GPD2: variants seen among roughly 807,000 people sequenced by gnomAD.
GPD2 encodes glycerol-3-phosphate dehydrogenase, mitochondrial.
Under a neutral mutation model 82.4 loss-of-function variants are expected in GPD2, and 54 were observed. The observed-to-expected ratio is 0.66, with a 90% CI of 0.53 to 0.82. The LOEUF (loss-of-function observed/expected upper bound fraction) is 0.82, where lower values mean the gene tolerates loss of function less well. Among genes scored for constraint, GPD2 ranks in the 40% least tolerant of loss-of-function variants. The pLI, the probability that GPD2 is intolerant of heterozygous loss-of-function variation, is 0.00. For missense variants in GPD2, 748 were observed against 896.2 expected (o/e 0.83, Z 2.11); for synonymous variants, 288 against 306.1 (o/e 0.94, Z 0.62).
chr2:156,542,177 T>C (rs930239042), intron 6 of GPD2, among the ~76,000 whole-genome samples: 1 of 152,162 alleles, frequency 6.6e-6, no homozygotes, highest in Non-Finnish European at 1.5e-5. Flanking sequence ...TCCACCCCGA[T>C]TGCTAATTAT....
intron 6 of GPD2, among the ~76,000 whole-genome samples, chr2:156,523,224 A>T (rs1047019947): frequency 6.6e-6 from 1 of 152,068 alleles, no homozygotes; most frequent in Non-Finnish European, 1.5e-5. Context: ...TGGCCTAAAA[A>T]TCCTCTGTGC....
At chr2:156,433,112 T>C (rs1688336652), upstream of GPD2, among the ~76,000 whole-genome samples, 1 of 152,216 alleles carries the variant, frequency 6.6e-6, no homozygotes, top group Admixed American at 6.5e-5. Context: ...AACTTGTTTC[T>C]AACCTACAAG....
intron 3 of GPD2, among the ~76,000 whole-genome samples, chr2:156,505,440 A>G (rs1207150224): frequency 1.3e-5 from 2 of 152,176 alleles, no homozygotes; most frequent in Non-Finnish European, 2.9e-5. Context: ...CAAAGCCTTA[A>G]ATAATGATAC....
At chr2:156,540,386 C>T (rs1231309338) in intron 6 of GPD2, among the ~76,000 whole-genome samples, 3 of 152,196 alleles carry the variant, frequency 2.0e-5, no homozygotes, top group African/African-American at 7.2e-5. Context: ...TTCTGTATCC[C>T]AGGGGACCGT....
chr2:156,466,878 C>T (rs759603495), intron 1 of GPD2, among the ~76,000 whole-genome samples: 6 of 152,190 alleles, frequency 3.9e-5, no homozygotes, highest in South Asian at 2.1e-4. Context: ...TAGCTCAACT[C>T]GTTTCTTAGC....
rs562278510 is a variant in GPD2 at position 156,504,936 on chromosome 2, G to A, written c.275-5860G>A. On this transcript the variant is annotated intron_variant, in intron 3 of 16. Transcript: ENST00000438166. ...TCAACTGTGGTTATCTCTGAGTGGT[G>A]TGATTACAGGAGAGTTTTATTTTAT... Among the ~76,000 whole-genome samples the A allele has an allele frequency of 2.6e-3, 392 of 152,216 alleles. 4 individuals are homozygous for A. Among genetic ancestry groups the A allele is most frequent in the African/African-American group, 9.0e-3 (372 of 41,564 alleles).
chr2:156,496,220 G>T lies in GPD2; in HGVS notation c.274+5G>T. The T allele has an allele frequency of 6.3e-7, 1 of 1,581,324 alleles. No individual in the cohort carries two copies. The highest frequency in any genetic ancestry group is 8.7e-7 in the Non-Finnish European group (1 of 1,151,970). On this transcript the variant is annotated splice_donor_5th_base_variant and intron_variant, in intron 3 of 16. Coordinates refer to ENST00000438166, the MANE Select transcript of GPD2 (RefSeq NM_000408.5). ...CGCTAGATGCTGTCACCAGAGGTAAGTCTTTTTTTTTTTTATTTTAATTTT... is the reference window on the plus strand; with the variant it reads ...CGCTAGATGCTGTCACCAGAGGTAATTCTTTTTTTTTTTTATTTTAATTTT...
intron 1 of GPD2, among the ~76,000 whole-genome samples, chr2:156,471,770 A>G (rs1683338485): frequency 6.6e-6 from 1 of 152,240 alleles, no homozygotes; most frequent in Non-Finnish European, 1.5e-5. Context: ...TATAACACTC[A>G]GTATAGCACA....
At chr2:156,443,775 C>G (rs968446769) in intron 1 of GPD2, among the ~76,000 whole-genome samples, 1 of 152,198 alleles carries the variant, frequency 6.6e-6, no homozygotes, top group Non-Finnish European at 1.5e-5. Flanking sequence ...TGTCAGGACA[C>G]CAGGGCTTCC....
intron 6 of GPD2, among the ~76,000 whole-genome samples, chr2:156,526,942 G>A (rs933218258): frequency 6.6e-6 from 1 of 152,096 alleles, no homozygotes; most frequent in Non-Finnish European, 1.5e-5. Flanking sequence ...AATGCCTCAC[G>A]TATCTGTTGG....
At chr2:156,555,589 T>TA (rs1417686119) in intron 8 of GPD2, among the ~76,000 whole-genome samples, 8 of 152,190 alleles carry the variant, frequency 5.3e-5, no homozygotes, top group Non-Finnish European at 1.0e-4. Flanking sequence ...ATCTCATTTC[T>TA]AATCTCAAAG....
chr2:156,539,720 TGC>T (rs1312145547), intron 6 of GPD2, among the ~76,000 whole-genome samples: 1 of 152,172 alleles, frequency 6.6e-6, no homozygotes, highest in Non-Finnish European at 1.5e-5. Flanking sequence ...AAAAGTTGTG[TGC>T]ATGTGCTCAC....
chr2:156,570,357 A>C, intron 12 of GPD2, 139 bp downstream of exon 12: 1 of 698,472 alleles, frequency 1.4e-6, no homozygotes, highest in Non-Finnish European at 2.5e-6. Flanking sequence ...ATGTCTTTCC[A>C]ATATAGATCC....
At chr2:156,573,927 T>C (rs1005973436) in intron 13 of GPD2, among the ~76,000 whole-genome samples, 5 of 152,188 alleles carry the variant, frequency 3.3e-5, no homozygotes, top group Non-Finnish European at 7.4e-5. Context: ...GAACTGTGCT[T>C]GTTTTTACCA....
chr2:156,457,070 T>TA (rs376724005), intron 1 of GPD2, among the ~76,000 whole-genome samples: 21 of 151,758 alleles, frequency 1.4e-4, no homozygotes, highest in East Asian at 3.9e-4. Flanking sequence ...TTGATTTCTT[T>TA]AAAAAAAAAT....
intron 9 of GPD2, among the ~76,000 whole-genome samples, chr2:156,561,360 A>G (rs895728798): frequency 1.3e-5 from 2 of 152,026 alleles, no homozygotes; most frequent in South Asian, 2.1e-4. Flanking sequence ...CTTTTTGCCT[A>G]TAGCTAGTTA....
chr2:156,402,497 T>G, the GPD2 span, among the ~76,000 whole-genome samples: 1 of 152,356 alleles, frequency 6.6e-6, no homozygotes, highest in East Asian at 1.9e-4. Context: ...CTTTAGTTTA[T>G]TCTTTAAAAT....
the GPD2 span, among the ~76,000 whole-genome samples, chr2:156,408,581 T>TAA: frequency 6.6e-6 from 1 of 150,810 alleles, no homozygotes; most frequent in East Asian, 2.0e-4. Context: ...CTACAAAAAG[T>TAA]AAAAAAACTA....
intron 1 of GPD2, among the ~76,000 whole-genome samples, chr2:156,462,453 A>ATTTTTTT (rs35159143): frequency 6.8e-5 from 8 of 118,186 alleles, no homozygotes; most frequent in Non-Finnish European, 7.0e-5. Context: ...ACCCGGATAC[A>ATTTTTTT]TTTTTTTTTT....
Sources: allele counts gnomAD v4.1 joint callset (sites outside exome capture counted in the v4.1 genomes callset), GRCh38; gene constraint gnomAD v4.1.1; transcripts MANE v1.5; gene names NCBI Gene and HGNC (gene_info 2026-07-23, HGNC 2026-07-21).